ALOX5: variants seen among roughly 807,000 people sequenced by gnomAD.
The protein encoded by ALOX5 is polyunsaturated fatty acid 5-lipoxygenase.
Under a neutral mutation model 87.9 loss-of-function variants are expected in ALOX5, and 64 were observed. That is an observed-to-expected ratio of 0.73 (90% CI 0.60 to 0.90). The LOEUF is 0.90. ALOX5 is among the 40% of genes least tolerant of loss of function. The pLI is 0.00. For synonymous variants in ALOX5, 388 were observed against 355.1 expected, an observed-to-expected ratio of 1.09 and a Z score of -1.04; for missense variants, 822 against 907.5, an observed-to-expected ratio of 0.91 and a Z score of 1.21.
intron 7 of ALOX5, 69 bp from the exon 8 acceptor site, chr10:45,440,361 C>A: frequency 1.3e-6 from 2 of 1,504,570 alleles, no homozygotes; most frequent in Non-Finnish European, 1.8e-6. Context: ...TCCCAAGAGG[C>A]GAAGTTCTCC....
chr10:45,410,551 C>A (rs557931267), intron 3 of ALOX5, among the ~76,000 whole-genome samples: 1 of 152,204 alleles, frequency 6.6e-6, no homozygotes, highest in African/African-American at 2.4e-5. Flanking sequence ...GGCTACTGGG[C>A]CAAGAGGACA....
intron 2 of ALOX5, among the ~76,000 whole-genome samples, chr10:45,389,929 G>T (rs199570560): frequency 6.6e-6 from 1 of 152,180 alleles, no homozygotes; most frequent in African/African-American, 2.4e-5. Context: ...ACCCATCAGT[G>T]TGCTGTATTC....
intron 7 of ALOX5, 116 bp downstream of exon 7, chr10:45,428,880 C>T (rs1841823657): frequency 2.2e-6 from 3 of 1,372,252 alleles, no homozygotes; most frequent in Non-Finnish European, 3.0e-6. Flanking sequence ...GACACTAGGG[C>T]TTCCTGCAGG....
intron 1 of ALOX5, 105 bp downstream of exon 1, chr10:45,374,534 C>T: frequency 3.4e-6 from 4 of 1,161,018 alleles, no homozygotes; most frequent in Non-Finnish European, 4.5e-6. Context: ...GTCGGGGCGG[C>T]CCGGACAGGA....
intron 3 of ALOX5, among the ~76,000 whole-genome samples, chr10:45,405,739 C>CTTTT (rs11463810): frequency 2.0e-4 from 28 of 139,382 alleles, no homozygotes; most frequent in African/African-American, 7.0e-4. Context: ...ATTCATCTAC[C>CTTTT]TTTTTTTTTT....
Position 45,374,401 on chromosome 10 carries a change from C to T in ALOX5, c.122C>T (p.Pro41Leu). ...AGCGAGAAGCACCTGCTGGACAAGC[C>T]CTTCTACAACGACTTCGAGCGTGGC... The part of the protein sequence containing the change: ...GCSEKHLLDK[P>L]FYNDFERGAV... The change falls in exon 1 of 14, where the codon CCC becomes CTC. Residue 41 changes from proline to leucine, a missense_variant. Pro to Leu is a moderately conservative substitution (Grantham distance 98, BLOSUM62 -3). Coordinates refer to ENST00000374391, the MANE Select transcript of ALOX5 (RefSeq NM_000698.5). 1.3e-6 allele frequency: 2 copies of T among 1,564,934 alleles called. No individual in the cohort carries two copies. The highest frequency in any genetic ancestry group is 1.7e-6 in the Non-Finnish European group (2 of 1,160,222).
intron 1 of ALOX5, among the ~76,000 whole-genome samples, chr10:45,379,825 C>T (rs1839765684): frequency 6.6e-6 from 1 of 152,172 alleles, no homozygotes; most frequent in African/African-American, 2.4e-5. Context: ...CCAGGCCATC[C>T]AGCTACTTGC....
At chr10:45,398,473 G>A (rs1327603746) in intron 3 of ALOX5, among the ~76,000 whole-genome samples, 2 of 152,058 alleles carry the variant, frequency 1.3e-5, no homozygotes, top group Non-Finnish European at 1.5e-5. Flanking sequence ...AAAAGCATCA[G>A]CAACAAAAGA....
chr10:45,407,899 T>A (rs755346856), intron 3 of ALOX5, among the ~76,000 whole-genome samples: 11 of 152,164 alleles, frequency 7.2e-5, no homozygotes, highest in Non-Finnish European at 1.3e-4. Context: ...ATCATAGCCA[T>A]CTTATTTAGG....
intron 1 of ALOX5, among the ~76,000 whole-genome samples, chr10:45,379,178 C>T (rs949697584): frequency 4.6e-5 from 7 of 152,176 alleles, no homozygotes; most frequent in African/African-American, 1.7e-4. Flanking sequence ...ATCTCCCTCC[C>T]CTCTTAGTCC....
At position 45,413,291 on chromosome 10, in the gene ALOX5, C is replaced by T. The variant is rs559581421; in HGVS notation, c.554+978C>T. Among the ~76,000 whole-genome samples the T allele has an allele frequency of 6.4e-3, 973 of 152,220 alleles. 5 individuals are homozygous for T. Among genetic ancestry groups the T allele is most frequent in the Non-Finnish European group, 0.01 (689 of 68,008 alleles). ...TGGGATGGAAGGCTGGTTCAACATA[C>T]GCAAATCAATAAATGTAATCTAGCA... On this transcript the variant is annotated intron_variant, in intron 4 of 13. Transcript: ENST00000374391.
intron 1 of ALOX5, among the ~76,000 whole-genome samples, chr10:45,379,954 T>C (rs555152280): frequency 5.9e-5 from 9 of 152,218 alleles, no homozygotes; most frequent in African/African-American, 2.2e-4. Context: ...GCTCACAACC[T>C]GCAGCTAAGG....
Position 45,376,694 on chromosome 10 carries a change from C to G in ALOX5, c.150+2265C>G, listed in dbSNP as rs1839626006. 2.0e-5 allele frequency among the ~76,000 whole-genome samples: 3 copies of G among 152,166 alleles called. 1 individual carries two copies. The highest frequency in any genetic ancestry group is 4.4e-5 in the Non-Finnish European group (3 of 68,030). Reference sequence around the variant, plus strand: ...TTTCCAAGTTATTGGCAGGTCAACACCCCCCTCCTCCAGGGCATAGTTCAG... The same window carrying G: ...TTTCCAAGTTATTGGCAGGTCAACAGCCCCCTCCTCCAGGGCATAGTTCAG... On this transcript the variant is annotated intron_variant, in intron 1 of 13. Coordinates refer to ENST00000374391, the MANE Select transcript of ALOX5 (RefSeq NM_000698.5).
At chr10:45,382,853 T>C (rs941332232) in intron 2 of ALOX5, among the ~76,000 whole-genome samples, 172 bp downstream of exon 2, 6 of 152,246 alleles carry the variant, frequency 3.9e-5, no homozygotes, top group Non-Finnish European at 5.9e-5. Flanking sequence ...TCCTTGGGAT[T>C]CTTACAAGCC....
chr10:45,381,711 G>T (rs140619817), intron 1 of ALOX5, among the ~76,000 whole-genome samples: 1 of 152,236 alleles, frequency 6.6e-6, no homozygotes, highest in Admixed American at 6.5e-5. Flanking sequence ...GTCAGCAGGC[G>T]TTGCCCTCTG....
intron 2 of ALOX5, 130 bp from the exon 3 acceptor site, chr10:45,395,725 A>T: frequency 2.9e-6 from 2 of 698,306 alleles, no homozygotes; most frequent in Non-Finnish European, 5.0e-6. Context: ...AAGTGCTCTG[A>T]GGCTCAAATG....
At chr10:45,404,529 T>C (rs1203468256) in intron 3 of ALOX5, among the ~76,000 whole-genome samples, 1 of 152,224 alleles carries the variant, frequency 6.6e-6, no homozygotes, top group Admixed American at 6.5e-5. Flanking sequence ...ATCGATATAA[T>C]TTAATCTAAT....
At chr10:45,421,528 A>G (rs934516233) in intron 4 of ALOX5, among the ~76,000 whole-genome samples, 2 of 152,256 alleles carry the variant, frequency 1.3e-5, no homozygotes, top group African/African-American at 4.8e-5. Context: ...CAGATGCTAC[A>G]GTGAGGTTTA....
chr10:45,398,640 C>T (rs2132724524), intron 3 of ALOX5, among the ~76,000 whole-genome samples: 1 of 152,154 alleles, frequency 6.6e-6, no homozygotes, highest in South Asian at 2.1e-4. Flanking sequence ...TTATAAAGAA[C>T]TCTTACAACT....
Sources: gnomAD v4.1 joint callset for allele counts (sites outside exome capture counted in the v4.1 genomes callset) on GRCh38, gnomAD v4.1.1 for gene constraint, MANE v1.5 for transcripts, NCBI Gene and HGNC (gene_info 2026-07-23, HGNC 2026-07-21) for gene names.